Variants in AGAP1 observed in about 807,000 individuals in gnomAD.
The protein encoded by AGAP1 is arf-GAP with GTPase, ANK repeat and PH domain-containing protein 1.
In AGAP1, 29 loss-of-function variants were observed where a neutral mutation model predicts 105.3. That is an observed-to-expected ratio of 0.28 (90% CI 0.21 to 0.38). The LOEUF is 0.38. Among genes scored for constraint, AGAP1 ranks in the 10% least tolerant of loss-of-function variants. AGAP1 has a pLI of 1.00. For missense variants in AGAP1, 998 were observed against 1,165.1 expected (o/e 0.86, Z 2.09); for synonymous variants, 509 against 485.9 (o/e 1.05, Z -0.63).
chr2:235,704,603 G>A (rs1437442071), intron 1 of AGAP1, among the ~76,000 whole-genome samples: 4 of 151,414 alleles, frequency 2.6e-5, no homozygotes, highest in Non-Finnish European at 5.9e-5. Context: ...CCAAGATCGC[G>A]CCACTACACT....
At chr2:236,015,659 C>T (rs7596780) in intron 13 of AGAP1, among the ~76,000 whole-genome samples, 91,705 of 151,338 alleles carry the variant, frequency 0.61, 28,253 homozygotes, top group South Asian at 0.81. Context: ...GAGGCGGGGG[C>T]ATCGGGCGTG....
At chr2:235,595,319 C>T (rs1945489800) in intron 1 of AGAP1, among the ~76,000 whole-genome samples, 1 of 152,104 alleles carries the variant, frequency 6.6e-6, no homozygotes. Context: ...GGGAGCACAC[C>T]CTCGAGGGGC....
At chr2:235,512,016 A>G (rs969730333) in intron 1 of AGAP1, among the ~76,000 whole-genome samples, 5 of 74,248 alleles carry the variant, frequency 6.7e-5, no homozygotes, top group Non-Finnish European at 9.7e-5. Flanking sequence ...GACTGTGTGA[A>G]TGTGTGAGGT....
rs1469876457 is a variant in AGAP1 at position 235,622,412 on chromosome 2, C to T, written c.164-86767C>T. On this transcript the variant is annotated intron_variant, in intron 1 of 17. Transcript: ENST00000304032. The surrounding 1 kb of genome is among the most constrained non-coding windows in gnomAD (Gnocchi z 5.0). ...CGGCCACGCTGCTCTCCTGCATGTC[C>T]GCCCATCTCACTGGGGTGATGAATG... Among the ~76,000 whole-genome samples, 1 of 152,200 alleles carries T rather than the reference C, an allele frequency of 6.6e-6. No homozygotes were observed. The highest frequency in any genetic ancestry group is 1.5e-5 in the Non-Finnish European group (1 of 68,034).
In AGAP1 at chr2:235,600,640, C is replaced by A. The variant is rs536247306; in HGVS notation, c.163+105791C>A. Among the ~76,000 whole-genome samples, 1 of 152,346 alleles carries A rather than the reference C, an allele frequency of 6.6e-6. No homozygotes were observed. Among genetic ancestry groups the A allele is most frequent in the South Asian group, 2.1e-4 (1 of 4,814 alleles). On this transcript the variant is annotated intron_variant, in intron 1 of 17. Coordinates refer to ENST00000304032, the MANE Select transcript of AGAP1 (RefSeq NM_001037131.3). The surrounding 1 kb of genome is among the most constrained non-coding windows in gnomAD (Gnocchi z 4.8). ...GCTGAAGAACTTGGAGCCTGATGTT[C>A]GAGGGCAGGAAGCATCCAGCACAGG...
At chr2:235,815,618 AG>A (rs1360126562) in intron 9 of AGAP1, among the ~76,000 whole-genome samples, 5 of 152,194 alleles carry the variant, frequency 3.3e-5, no homozygotes, top group Admixed American at 6.5e-5. Context: ...GTCCTAGCTT[AG>A]GCCTTCCTGG....
rs557160451 is a variant in AGAP1, at chr2:235,728,576, G to C, written c.310+10932G>C. Among the ~76,000 whole-genome samples, 1 of 152,122 alleles carries C rather than the reference G, an allele frequency of 6.6e-6. No homozygotes were observed. Among genetic ancestry groups the C allele is most frequent in the Admixed American group, 6.5e-5 (1 of 15,270 alleles). Reference sequence around the variant, plus strand: ...CAGGAGGAGTGCTAGTGTGAGAGCTGCTGGTGCCTGCCCTGGGTCCGAAAG... The same window carrying C: ...CAGGAGGAGTGCTAGTGTGAGAGCTCCTGGTGCCTGCCCTGGGTCCGAAAG... On this transcript the variant is annotated intron_variant, in intron 3 of 17. Transcript: ENST00000304032. The surrounding 1 kb of genome is among the most constrained non-coding windows in gnomAD (Gnocchi z 4.3).
intron 1 of AGAP1, among the ~76,000 whole-genome samples, chr2:235,699,136 G>C (rs1222341366): frequency 2.0e-5 from 3 of 151,770 alleles, no homozygotes; most frequent in Admixed American, 1.3e-4. Context: ...AGAACTGGTC[G>C]GGCAGGACGT....
At chr2:235,669,900 G>T (rs1948282005) in intron 1 of AGAP1, 2 of 147,856 alleles carry the variant, frequency 1.4e-5, no homozygotes, top group South Asian at 4.1e-4. Flanking sequence ...GGCGCCCCGG[G>T]CCCGGACCCC....
chr2:235,511,862 A>ATG (rs1251175475), intron 1 of AGAP1, among the ~76,000 whole-genome samples: 1 of 148,714 alleles, frequency 6.7e-6, no homozygotes, highest in Non-Finnish European at 1.5e-5. Flanking sequence ...ATGTGTGTGA[A>ATG]TGTGTGTGTG....
chr2:235,761,507 T>C (rs976720977), intron 6 of AGAP1, among the ~76,000 whole-genome samples: 4 of 152,216 alleles, frequency 2.6e-5, no homozygotes, highest in African/African-American at 9.6e-5. Context: ...CATAGCTGTG[T>C]TTTGCCCCAG....
intron 9 of AGAP1, among the ~76,000 whole-genome samples, chr2:235,815,783 G>A (rs1958418482): frequency 6.6e-6 from 1 of 152,174 alleles, no homozygotes; most frequent in African/African-American, 2.4e-5. Flanking sequence ...CTAAGTTGTG[G>A]TAAACTGTTG....
intron 12 of AGAP1, among the ~76,000 whole-genome samples, chr2:235,966,355 A>G (rs72989286): frequency 0.014 from 2,108 of 151,896 alleles, 22 homozygotes; most frequent in Middle Eastern, 0.037. Context: ...TCCTCTAAGG[A>G]TGGAGGAGAG....
intron 16 of AGAP1, among the ~76,000 whole-genome samples, chr2:236,097,380 CTTTTTTTTTTTTTTT>C (rs58882083): frequency 1.2e-4 from 6 of 48,672 alleles, no homozygotes; most frequent in African/African-American, 3.1e-4. Flanking sequence ...TCATCCTAAT[CTTTTTTTTTTTTTTT>C]TTTTTTTTTT....
rs182795959 is a variant in AGAP1 at position 235,981,047 on chromosome 2, C to A, written c.1645+12424C>A. Among the ~76,000 whole-genome samples the A allele has an allele frequency of 2.9e-3, 447 of 152,266 alleles. 1 individual carries two copies. The highest frequency in any genetic ancestry group is 4.9e-3 in the Non-Finnish European group (330 of 68,014). The stretch of plus-strand genomic sequence containing the variant: ...GATTGTCTTAGAATGATTAGGAAAA[C>A]TTCTAAGGTGTTTTATTTTTTTGTT... On this transcript the variant is annotated intron_variant, in intron 13 of 17. Transcript: ENST00000304032. This position sits in a 1 kb window ranked among gnomAD's most constrained non-coding sequence, Gnocchi z 5.5.
At position 235,599,883 on chromosome 2, in the gene AGAP1, C is replaced by A. The variant is rs1248938575; in HGVS notation, c.163+105034C>A. The stretch of plus-strand genomic sequence containing the variant: ...CAATGCTGGTACCCACGACGTGGAG[C>A]CCTGAAGGATGAGGAAAATAATTTC... On this transcript the variant is annotated intron_variant, in intron 1 of 17. Transcript: ENST00000304032. This position sits in a 1 kb window ranked among gnomAD's most constrained non-coding sequence, Gnocchi z 5.3. Among the ~76,000 whole-genome samples, 1 of 152,150 alleles carries A rather than the reference C, an allele frequency of 6.6e-6. No homozygotes were observed. The highest frequency in any genetic ancestry group is 1.5e-5 in the Non-Finnish European group (1 of 68,030).
chr2:235,783,963 TGGACGGAC>T (rs151167254), intron 6 of AGAP1, among the ~76,000 whole-genome samples: 35,935 of 151,776 alleles, frequency 0.24, 4,806 homozygotes, highest in Admixed American at 0.39. Flanking sequence ...GAAAATGAAA[TGGACGGAC>T]GGACGGACGG....
intron 1 of AGAP1, among the ~76,000 whole-genome samples, chr2:235,702,934 G>GTGTTTTTTTTT (rs1553609552): frequency 1.1e-5 from 1 of 88,946 alleles, no homozygotes; most frequent in Non-Finnish European, 2.2e-5. Flanking sequence ...AGTTTTCTTG[G>GTGTTTTTTTTT]TTTTTTTTTT....
At chr2:236,022,321 G>T (rs1238167105) in intron 13 of AGAP1, among the ~76,000 whole-genome samples, 1 of 152,188 alleles carries the variant, frequency 6.6e-6, no homozygotes, top group East Asian at 1.9e-4. Context: ...TAAGCCACAG[G>T]ACAACACCTC....
Sources: allele counts gnomAD v4.1 joint callset (sites outside exome capture counted in the v4.1 genomes callset), GRCh38; gene constraint gnomAD v4.1.1; non-coding constraint Gnocchi (gnomAD v3.1); transcripts MANE v1.5; gene names NCBI Gene and HGNC (gene_info 2026-07-23, HGNC 2026-07-21).